The following PIP5K1B variants were observed in gnomAD, a reference collection of about 807,000 sequenced individuals.
PIP5K1B encodes the protein phosphatidylinositol 4-phosphate 5-kinase type-1 beta.
Under a neutral mutation model 67.0 loss-of-function variants are expected in PIP5K1B, and 42 were observed. That is an observed-to-expected ratio of 0.63 (90% CI 0.49 to 0.81). The LOEUF (loss-of-function observed/expected upper bound fraction) is 0.81. Ranked by LOEUF, PIP5K1B falls within the 30% of genes least tolerant of loss-of-function variation. PIP5K1B has a pLI of 0.00. For missense variants in PIP5K1B, 459 were observed against 646.3 expected, an observed-to-expected ratio of 0.71 and a Z score of 3.14; for synonymous variants, 214 against 231.4, an observed-to-expected ratio of 0.92 and a Z score of 0.68.
At chr9:68,838,184 T>C (rs1028660824) in intron 4 of PIP5K1B, among the ~76,000 whole-genome samples, 4 of 152,136 alleles carry the variant, frequency 2.6e-5, no homozygotes, top group African/African-American at 9.7e-5. Context: ...CCTGTTTTTT[T>C]TTTAACTATT....
chr9:68,951,227 T>C (rs1256021873), intron 14 of PIP5K1B, among the ~76,000 whole-genome samples: 1 of 152,190 alleles, frequency 6.6e-6, no homozygotes, highest in Non-Finnish European at 1.5e-5. Flanking sequence ...GTGTGGAAGG[T>C]CACAAATAAC....
intron 14 of PIP5K1B, among the ~76,000 whole-genome samples, chr9:68,953,973 G>C (rs145470846): frequency 6.6e-6 from 1 of 151,932 alleles, no homozygotes; most frequent in Non-Finnish European, 1.5e-5. Flanking sequence ...ACATCTGGCA[G>C]GAACAGGTGT....
At chr9:68,861,901 TG>T (rs1823097350) in intron 4 of PIP5K1B, among the ~76,000 whole-genome samples, 2 of 135,410 alleles carry the variant, frequency 1.5e-5, no homozygotes, top group Middle Eastern at 3.7e-3. Flanking sequence ...GTTTGTTTTT[TG>T]TTTTTTTTTT....
chr9:68,727,926 T>C (rs566871396), intron 1 of PIP5K1B, among the ~76,000 whole-genome samples: 2 of 152,304 alleles, frequency 1.3e-5, no homozygotes, highest in South Asian at 2.1e-4. Flanking sequence ...AGTTCATTCA[T>C]GATTCAGCAA....
At chr9:69,008,230 T>G (rs1831177077) in intron 15 of PIP5K1B, among the ~76,000 whole-genome samples, 1 of 152,208 alleles carries the variant, frequency 6.6e-6, no homozygotes, top group African/African-American at 2.4e-5. Context: ...TAGTCAGGAC[T>G]CAATCTTGAT....
chr9:68,766,037 G>A, intron 2 of PIP5K1B, among the ~76,000 whole-genome samples: 1 of 152,144 alleles, frequency 6.6e-6, no homozygotes. Context: ...TCCATTAGTA[G>A]ATAATCAAAT....
intron 4 of PIP5K1B, among the ~76,000 whole-genome samples, chr9:68,847,340 C>G (rs1303306002): frequency 6.7e-6 from 1 of 149,686 alleles, no homozygotes; most frequent in African/African-American, 2.5e-5. Flanking sequence ...AGTTTCCATG[C>G]TGGTTTCCAC....
intron 4 of PIP5K1B, among the ~76,000 whole-genome samples, chr9:68,854,453 C>G (rs1274077758): frequency 2.0e-5 from 3 of 152,118 alleles, no homozygotes; most frequent in Non-Finnish European, 4.4e-5. Flanking sequence ...CCAGAAGCCA[C>G]CAGAAGGGTC....
At chr9:68,985,458 G>T (rs1283778400) in intron 14 of PIP5K1B, among the ~76,000 whole-genome samples, 1 of 152,068 alleles carries the variant, frequency 6.6e-6, no homozygotes, top group Non-Finnish European at 1.5e-5. Flanking sequence ...TGCCATGTTG[G>T]CCAGGATGGT....
chr9:68,731,069 CA>C (rs1349053735), intron 1 of PIP5K1B, among the ~76,000 whole-genome samples: 1 of 152,208 alleles, frequency 6.6e-6, no homozygotes, highest in Non-Finnish European at 1.5e-5. Flanking sequence ...TTACCTTTAG[CA>C]CATGCCTGTG....
intron 6 of PIP5K1B, among the ~76,000 whole-genome samples, chr9:68,887,436 C>G (rs1291455371): frequency 1.3e-5 from 2 of 152,060 alleles, no homozygotes; most frequent in Admixed American, 6.5e-5. Context: ...GTGGCTAGAG[C>G]TAAAGTTGAA....
At chr9:68,930,777 A>G (rs921516416) in intron 12 of PIP5K1B, among the ~76,000 whole-genome samples, 2 of 152,028 alleles carry the variant, frequency 1.3e-5, no homozygotes, top group African/African-American at 4.8e-5. Flanking sequence ...AATAATAATA[A>G]TGCTAAAGGA....
intron 1 of PIP5K1B, among the ~76,000 whole-genome samples, chr9:68,723,695 G>GTTTTTTGTTT (rs1828003705): frequency 2.0e-5 from 1 of 50,126 alleles, no homozygotes; most frequent in African/African-American, 8.5e-5. Context: ...GAAGTATTTG[G>GTTTTTTGTTT]TTTTTTTTTT....
chr9:68,756,135 A>C (rs1829912442), intron 2 of PIP5K1B, among the ~76,000 whole-genome samples: 2 of 152,192 alleles, frequency 1.3e-5, no homozygotes, highest in South Asian at 4.1e-4. Flanking sequence ...GGACTTTTTT[A>C]GGGCCTTTGG....
At chr9:68,822,141 A>C (rs1833758984) in intron 3 of PIP5K1B, among the ~76,000 whole-genome samples, 1 of 152,180 alleles carries the variant, frequency 6.6e-6, no homozygotes, top group South Asian at 2.1e-4. Flanking sequence ...GAGCATGCAT[A>C]ACCAGAAGAA....
At chr9:68,989,815 A>G (rs2132947671) in intron 14 of PIP5K1B, among the ~76,000 whole-genome samples, 1 of 152,224 alleles carries the variant, frequency 6.6e-6, no homozygotes, top group African/African-American at 2.4e-5. Flanking sequence ...CCCCGTCTCT[A>G]CGAAAAATAC....
At chr9:68,723,253 C>A (rs530375591) in intron 1 of PIP5K1B, among the ~76,000 whole-genome samples, 1 of 152,052 alleles carries the variant, frequency 6.6e-6, no homozygotes, top group African/African-American at 2.4e-5. Flanking sequence ...TGGACACTTA[C>A]ATTGATTCTA....
intron 11 of PIP5K1B, among the ~76,000 whole-genome samples, chr9:68,922,184 G>A (rs1003135317): frequency 3.9e-5 from 6 of 152,158 alleles, no homozygotes; most frequent in Non-Finnish European, 8.8e-5. Context: ...ATGTAGCAGG[G>A]CCAGGTGCAG....
intron 4 of PIP5K1B, among the ~76,000 whole-genome samples, chr9:68,836,870 C>T (rs1210706322): frequency 6.6e-6 from 1 of 152,216 alleles, no homozygotes; most frequent in Non-Finnish European, 1.5e-5. Context: ...CTAGTGGGGA[C>T]ACACAGTGGC....
Sources: allele counts gnomAD v4.1 joint callset (sites outside exome capture counted in the v4.1 genomes callset), GRCh38; gene constraint gnomAD v4.1.1; transcripts MANE v1.5; gene names NCBI Gene and HGNC (gene_info 2026-07-23, HGNC 2026-07-21).